The following ZNF287 variants were observed in gnomAD, a reference collection of about 807,000 sequenced individuals.
The protein encoded by ZNF287 is zinc finger protein 287.
In ZNF287, 31 loss-of-function variants were observed where a neutral mutation model predicts 73.7. The ratio of observed to expected loss-of-function variants is 0.42; its 90% CI spans 0.32 to 0.57. The LOEUF is 0.57. ZNF287 is among the 20% of genes least tolerant of loss of function. The probability of loss-of-function intolerance (pLI) is 0.13; values close to 1 mark genes in which losing one functional copy is unlikely to be tolerated. For missense variants in ZNF287, 641 were observed against 909.3 expected, an observed-to-expected ratio of 0.70 and a Z score of 3.79; for synonymous variants, 301 against 307.2, an observed-to-expected ratio of 0.98 and a Z score of 0.21.
At chr17:16,556,037 ATAGG>A (rs142182274) in intron 5 of ZNF287, among the ~76,000 whole-genome samples, 11,874 of 152,024 alleles carry the variant, frequency 0.078, 1,559 homozygotes, top group African/African-American at 0.27. Flanking sequence ...TTGATAACTG[ATAGG>A]TAGGTCTAGT....
In ZNF287 at chr17:16,547,465, T is replaced by C. The variant is rs971901534; in HGVS notation, c.*4391A>G. On this transcript the variant is annotated 3_prime_UTR_variant, in exon 6 of 6. Transcript: ENST00000395825. ...TAGCATACATAACATGGAAGTGTTC[T>C]CTCCAATTTAGGTGCATGCTTAACA... Among the ~76,000 whole-genome samples the C allele has an allele frequency of 6.6e-6, 1 of 152,232 alleles. No homozygotes were observed. The highest frequency in any genetic ancestry group is 1.5e-5 in the Non-Finnish European group (1 of 68,040).
rs1169699549 is a variant in ZNF287, at chr17:16,550,239, G to A, written c.*1617C>T. On this transcript the variant is annotated 3_prime_UTR_variant, in exon 6 of 6. Transcript: ENST00000395825. ...TAAATTTTTTCCTGACATGTTAAGA[G>A]TAATCTCTGTTTTACTTGTATGTAT... is the stretch of plus-strand genomic sequence containing the variant. Among the ~76,000 whole-genome samples the A allele has an allele frequency of 3.3e-5, 5 of 152,082 alleles. No homozygotes were observed. The highest frequency in any genetic ancestry group is 7.4e-5 in the Non-Finnish European group (5 of 67,998).
chr17:16,563,868 G>T, intron 3 of ZNF287, 43 bp from the exon 4 acceptor site: 1 of 1,600,640 alleles, frequency 6.2e-7, no homozygotes, highest in Non-Finnish European at 8.5e-7. Context: ...AGAACTAATG[G>T]CAAAGGGGAC....
At chr17:16,557,524 C>T (rs765402912) in intron 5 of ZNF287, among the ~76,000 whole-genome samples, 5 of 152,140 alleles carry the variant, frequency 3.3e-5, no homozygotes, top group Non-Finnish European at 7.4e-5. Context: ...GTGTGACTAA[C>T]CTACTTCCTG....
Position 16,563,841 on chromosome 17 carries a change from TA to T in ZNF287, c.502-17del. On this transcript the variant is annotated splice_polypyrimidine_tract_variant and intron_variant, in intron 3 of 5. Transcript: ENST00000395825. ...TCATCGATTCCTAAAATATCAAATG[TA>T]ACTTAACTCAGTTCAAGAACTAATG... 1 of 1,611,566 alleles carries T rather than the reference TA, an allele frequency of 6.2e-7. No homozygotes were observed. Among genetic ancestry groups the T allele is most frequent in the Non-Finnish European group, 8.5e-7 (1 of 1,178,384 alleles).
chr17:16,565,950 G>T (rs1907718590), intron 3 of ZNF287, among the ~76,000 whole-genome samples: 1 of 152,164 alleles, frequency 6.6e-6, no homozygotes, highest in Non-Finnish European at 1.5e-5. Flanking sequence ...TCGCACCACT[G>T]CACTCCAGCC....
rs1222028724 is a variant in ZNF287 at position 16,547,049 on chromosome 17, G to A, written c.*4807C>T. Among the ~76,000 whole-genome samples, 2 of 152,214 alleles carry A rather than the reference G, an allele frequency of 1.3e-5. No individual in the cohort carries two copies. The highest frequency in any genetic ancestry group is 2.9e-5 in the Non-Finnish European group (2 of 68,044). ...CCATGGGGAGAACAGAAACAGAGGA[G>A]TAAGAATACATTTTCGGGCACATGC... On this transcript the variant is annotated 3_prime_UTR_variant, in exon 6 of 6. Coordinates refer to ENST00000395825, the MANE Select transcript of ZNF287 (RefSeq NM_020653.4).
rs142616189 is a variant in ZNF287, at chr17:16,546,958, G to A, written c.*4898C>T. ...ACACGCATTTGTACATATCACTGTAGTGCACATGCTTGCCATTTTTAATGG... is the reference window on the plus strand; with the variant it reads ...ACACGCATTTGTACATATCACTGTAATGCACATGCTTGCCATTTTTAATGG... On this transcript the variant is annotated 3_prime_UTR_variant, in exon 6 of 6. Coordinates refer to ENST00000395825, the MANE Select transcript of ZNF287 (RefSeq NM_020653.4). Among the ~76,000 whole-genome samples the A allele has an allele frequency of 2.1e-3, 314 of 152,306 alleles. 2 individuals carry two copies. Among genetic ancestry groups the A allele is most frequent in the African/African-American group, 7.2e-3 (299 of 41,554 alleles).
Position 16,551,740 on chromosome 17 carries a change from C to T in ZNF287, c.*116G>A. The T allele has an allele frequency of 9.2e-7, 1 of 1,091,058 alleles. No individual in the cohort carries two copies. The highest frequency in any genetic ancestry group is 1.3e-6 in the Non-Finnish European group (1 of 756,180). The allele number at this position is 1,091,058 out of a possible 1,614,324, so 67.6% of individuals were successfully genotyped here. A position where few individuals can be genotyped will look rare whatever the true frequency, so the allele number is the denominator to read the frequency against. ...CATACCACTACTTCTGATACTTCTGCTGAGTATCTAACATATTGCACTTCT... is the reference window on the plus strand; with the variant it reads ...CATACCACTACTTCTGATACTTCTGTTGAGTATCTAACATATTGCACTTCT... On this transcript the variant is annotated 3_prime_UTR_variant, in exon 6 of 6. Transcript: ENST00000395825.
At position 16,547,269 on chromosome 17, in the gene ZNF287, G is replaced by GT. The variant is rs561513177; in HGVS notation, c.*4586dup. On this transcript the variant is annotated 3_prime_UTR_variant, in exon 6 of 6. Transcript: ENST00000395825. Reference sequence around the variant, plus strand: ...GGAGGGCTATTAGCTTATAAACACCGTAAGTTATAGACATATAATAGTTAA... The same window carrying GT: ...GGAGGGCTATTAGCTTATAAACACCGTTAAGTTATAGACATATAATAGTTAA... 6.6e-6 allele frequency among the ~76,000 whole-genome samples: 1 copy of GT among 152,220 alleles called. No homozygotes were observed. Among genetic ancestry groups the GT allele is most frequent in the East Asian group, 1.9e-4 (1 of 5,188 alleles).
At position 16,553,045 on chromosome 17, in the gene ZNF287, T is replaced by G. The variant is rs1034520171; in HGVS notation, c.1097A>C (p.Lys366Thr). ...CCCACACACATTACACTTGTAAGGC[T>G]TCTCTCCAGGAAGTATTTTCCTATG... is the stretch of plus-strand genomic sequence containing the variant. ...IVHRKILPGE[K>T]PYKCNVCGKK... The change falls in exon 6 of 6, where the codon AAG (lysine) becomes ACG (threonine). Residue 366 changes from lysine (K) to threonine (T), a missense_variant. This residue lies in a region of ZNF287 where 357 missense variants were observed against 442.4 expected (regional missense o/e 0.81). Transcript: ENST00000395825. The G allele has an allele frequency of 1.2e-6, 2 of 1,614,226 alleles. No homozygotes were observed. The highest frequency in any genetic ancestry group is 1.7e-6 in the Non-Finnish European group (2 of 1,180,030).
intron 5 of ZNF287, among the ~76,000 whole-genome samples, chr17:16,556,728 A>G (rs928865708): frequency 3.0e-4 from 46 of 152,224 alleles, no homozygotes; most frequent in African/African-American, 9.6e-4. Context: ...TTCAACTTCT[A>G]TGCAATCAGT....
chr17:16,550,090 T>C lies in ZNF287; in HGVS notation c.*1766A>G, dbSNP rs964359375. 2.0e-5 allele frequency among the ~76,000 whole-genome samples: 3 copies of C among 152,226 alleles called. No homozygotes were observed. Among genetic ancestry groups the C allele is most frequent in the African/African-American group, 7.2e-5 (3 of 41,464 alleles). ...GCCTTATATTCTGGTAGTGGAATGC[T>C]GTAAATATGAAATACAATAGTATTT... is the stretch of plus-strand genomic sequence containing the variant. On this transcript the variant is annotated 3_prime_UTR_variant, in exon 6 of 6. Transcript: ENST00000395825.
chr17:16,551,549 G>C lies in ZNF287; in HGVS notation c.*307C>G. 3.6e-6 allele frequency: 1 copy of C among 276,902 alleles called. No individual in the cohort carries two copies. 17.2% of individuals were successfully genotyped at this position (276,902 alleles called of 1,614,324 possible). ...TGGGTGGTCCTGGAACCAATCCCCC[G>C]AGTATACCAAAGGATAAGTGTACTT... On this transcript the variant is annotated 3_prime_UTR_variant, in exon 6 of 6. Transcript: ENST00000395825.
At chr17:16,562,983 G>A (rs1907535193) in intron 5 of ZNF287, among the ~76,000 whole-genome samples, 163 bp downstream of exon 5, 1 of 152,242 alleles carries the variant, frequency 6.6e-6, no homozygotes, top group Non-Finnish European at 1.5e-5. Context: ...AGCTCTTCCT[G>A]AAGAGGCCTC....
chr17:16,546,963 C>T lies in ZNF287; in HGVS notation c.*4893G>A, dbSNP rs1906299224. ...CATTTGTACATATCACTGTAGTGCA[C>T]ATGCTTGCCATTTTTAATGGTTATA... On this transcript the variant is annotated 3_prime_UTR_variant, in exon 6 of 6. Coordinates refer to ENST00000395825, the MANE Select transcript of ZNF287 (RefSeq NM_020653.4). Among the ~76,000 whole-genome samples the T allele has an allele frequency of 1.3e-5, 2 of 152,158 alleles. No individual in the cohort carries two copies. The highest frequency in any genetic ancestry group is 4.1e-4 in the South Asian group (2 of 4,824).
At chr17:16,553,518 C>A in intron 5 of ZNF287, 92 bp from the exon 6 acceptor site, 1 of 1,015,052 alleles carries the variant, frequency 9.9e-7, no homozygotes, top group Non-Finnish European at 1.3e-6. Flanking sequence ...GATAAAATGC[C>A]CAAAGACAAC....
chr17:16,560,323 T>C (rs569415828), intron 5 of ZNF287, among the ~76,000 whole-genome samples: 1,653 of 145,722 alleles, frequency 0.011, 25 homozygotes, highest in African/African-American at 0.036. Flanking sequence ...TATATATATA[T>C]ATATATATAT....
In ZNF287 at chr17:16,551,118, A is replaced by G. The variant is rs1906624404; in HGVS notation, c.*738T>C. Among the ~76,000 whole-genome samples the G allele has an allele frequency of 6.6e-6, 1 of 152,046 alleles. No homozygotes were observed. The highest frequency in any genetic ancestry group is 1.5e-5 in the Non-Finnish European group (1 of 67,994). ...ATACTTCCAACTGTTTTTTTTTCAA[A>G]CCTACTGGCTCCATATGGCAGTTAT... On this transcript the variant is annotated 3_prime_UTR_variant, in exon 6 of 6. Coordinates refer to ENST00000395825, the MANE Select transcript of ZNF287 (RefSeq NM_020653.4).
Sources: allele counts gnomAD v4.1 joint callset (sites outside exome capture counted in the v4.1 genomes callset), GRCh38; gene constraint gnomAD v4.1.1; regional missense constraint gnomAD v4.1.1; transcripts MANE v1.5; gene names NCBI Gene and HGNC (gene_info 2026-07-23, HGNC 2026-07-21).